Variants in BDH1 observed in about 807,000 individuals in gnomAD.
BDH1 encodes the protein 3-hydroxybutyrate dehydrogenase 1.
In BDH1, 30 loss-of-function variants were observed where a neutral mutation model predicts 33.1. That is an observed-to-expected ratio of 0.91 (90% CI 0.68 to 1.23). BDH1 has a LOEUF of 1.23. Ranked by LOEUF, BDH1 falls within the 50% of genes most tolerant of loss-of-function variation. The pLI, the probability that BDH1 is intolerant of heterozygous loss-of-function variation, is 0.00. For synonymous variants in BDH1, 190 were observed against 183.6 expected (o/e 1.03, Z -0.28); for missense variants, 443 against 464.4 (o/e 0.95, Z 0.42).
At chr3:197,527,821 C>T (rs143683870) in intron 5 of BDH1, among the ~76,000 whole-genome samples, 2,902 of 151,754 alleles carry the variant, frequency 0.019, 94 homozygotes, top group African/African-American at 0.066. Flanking sequence ...CACTCCCTCC[C>T]GCACCTCCTT....
chr3:197,570,690 G>A (rs1172627049), intron 1 of BDH1, among the ~76,000 whole-genome samples: 1 of 152,220 alleles, frequency 6.6e-6, no homozygotes, highest in Non-Finnish European at 1.5e-5. Flanking sequence ...TTGAGGATTG[G>A]GAACCTCCAC....
chr3:197,522,720 A>C lies in BDH1; in HGVS notation c.329T>G (p.Val110Gly). The change falls in exon 6 of 8, where the codon GTC becomes GGC. Residue 110 changes from valine to glycine, a missense_variant. Val to Gly is a moderately radical substitution (Grantham distance 109, BLOSUM62 -3). Transcript: ENST00000392379. This position sits in a 1 kb window ranked among gnomAD's most constrained non-coding sequence, Gnocchi z 4.8. ...TTCGCTGCTGCAGACATTGAGCTGG[A>C]CGGTTCTCAATCGGTCACTGTTTAG... The part of the protein sequence containing the change: ...DSLNSDRLRT[V>G]QLNVCSSEEV... 6.2e-7 allele frequency: 1 copy of C among 1,614,152 alleles called. No homozygotes were observed. Among genetic ancestry groups the C allele is most frequent in the African/African-American group, 1.3e-5 (1 of 75,030 alleles).
At chr3:197,559,736 A>T (rs1473139122), upstream of BDH1, among the ~76,000 whole-genome samples, 1 of 152,270 alleles carries the variant, frequency 6.6e-6, no homozygotes, top group African/African-American at 2.4e-5. Context: ...ACTCTGACAC[A>T]GATAGTAGCA....
rs868282903 is a variant in BDH1, at chr3:197,554,921, G to T, written c.-195-208C>A. 6.6e-6 allele frequency among the ~76,000 whole-genome samples: 1 copy of T among 152,270 alleles called. No homozygotes were observed. The highest frequency in any genetic ancestry group is 1.5e-5 in the Non-Finnish European group (1 of 68,046). ...GCAGAGCGCGAGAACGCCCGAGACGGCGGCGCAGCCAATCCCAGAGCAGCG... is the reference window on the plus strand; with the variant it reads ...GCAGAGCGCGAGAACGCCCGAGACGTCGGCGCAGCCAATCCCAGAGCAGCG... On this transcript the variant is annotated intron_variant, in intron 1 of 7. Coordinates refer to ENST00000392379, the MANE Select transcript of BDH1 (RefSeq NM_203314.3). The surrounding 1 kb of genome is among the most constrained non-coding windows in gnomAD (Gnocchi z 4.4).
At chr3:197,537,583 T>C (rs1715266667) in intron 3 of BDH1, among the ~76,000 whole-genome samples, 1 of 152,236 alleles carries the variant, frequency 6.6e-6, no homozygotes, top group African/African-American at 2.4e-5. Flanking sequence ...ACTAATATCC[T>C]TGGTTTGTTC....
chr3:197,532,216 AGGAT>A (rs1380657708), intron 5 of BDH1, among the ~76,000 whole-genome samples, 192 bp downstream of exon 5: 1 of 152,128 alleles, frequency 6.6e-6, no homozygotes, highest in Non-Finnish European at 1.5e-5. Context: ...GATAGATGAG[AGGAT>A]GGATGGATGG....
At position 197,542,521 on chromosome 3, in the gene BDH1, C is replaced by CTTTTTTTTTTTTTT. The variant is rs71164295; in HGVS notation, c.83+3826_83+3839dup. On this transcript the variant is annotated intron_variant, in intron 3 of 7. Coordinates refer to ENST00000392379, the MANE Select transcript of BDH1 (RefSeq NM_203314.3). Reference sequence around the variant, plus strand: ...GTCAACACGCTTTCTTTCTTGCTTGCTTTTTTTTTTTTTTTTTTTGAGACG... The same window carrying CTTTTTTTTTTTTTT: ...GTCAACACGCTTTCTTTCTTGCTTGCTTTTTTTTTTTTTTTTTTTTTTTTTTTTTTTTTGAGACG... Among the ~76,000 whole-genome samples, 45 of 106,414 alleles carry CTTTTTTTTTTTTTT rather than the reference C, an allele frequency of 4.2e-4. 2 individuals carry two copies. Among genetic ancestry groups the CTTTTTTTTTTTTTT allele is most frequent in the African/African-American group, 1.1e-3 (25 of 23,444 alleles). 69.8% of individuals were successfully genotyped at this position (106,414 alleles called of 152,430 possible).
At chr3:197,549,883 T>C (rs1015165119) in intron 2 of BDH1, among the ~76,000 whole-genome samples, 1 of 152,086 alleles carries the variant, frequency 6.6e-6, no homozygotes, top group African/African-American at 2.4e-5. Flanking sequence ...ACTATCCATA[T>C]CATCTTTGTT....
chr3:197,564,539 A>C (rs1717371188), intron 1 of BDH1, among the ~76,000 whole-genome samples: 1 of 152,220 alleles, frequency 6.6e-6, no homozygotes, highest in Non-Finnish European at 1.5e-5. Context: ...GACAGCAATT[A>C]AAATCCCATC....
chr3:197,566,362 C>T (rs189905925), intron 1 of BDH1, among the ~76,000 whole-genome samples: 1 of 152,292 alleles, frequency 6.6e-6, no homozygotes, highest in Non-Finnish European at 1.5e-5. Context: ...GTAAAGGGTT[C>T]CTGATGTGTC....
rs1319005499 is a variant in BDH1, at chr3:197,570,236, G to C, written c.-44+2945C>G. Reference sequence around the variant, plus strand: ...CTAAGTAGCAAAGCATTCAAAGTGTGACTTGGGTGCTGTTAAAAGCATTCA... The same window carrying C: ...CTAAGTAGCAAAGCATTCAAAGTGTCACTTGGGTGCTGTTAAAAGCATTCA... On this transcript the variant is annotated intron_variant, in intron 1 of 6. Transcript: ENST00000358186. Among the ~76,000 whole-genome samples, 4 of 152,242 alleles carry C rather than the reference G, an allele frequency of 2.6e-5. No individual in the cohort carries two copies. In the East Asian group the frequency reaches 7.7e-4, roughly 29 times the overall value.
In BDH1 at chr3:197,523,996, G is replaced by A. The variant is rs934427044; in HGVS notation, c.268-1215C>T. The stretch of plus-strand genomic sequence containing the variant: ...TTCCTCTAAGTAGACAGCATTTCCC[G>A]AGTGTCCACTGTCCTGAGCACTGTG... On this transcript the variant is annotated intron_variant, in intron 5 of 7. Coordinates refer to ENST00000392379, the MANE Select transcript of BDH1 (RefSeq NM_203314.3). The surrounding 1 kb of genome is among the most constrained non-coding windows in gnomAD (Gnocchi z 4.5). 3.9e-5 allele frequency among the ~76,000 whole-genome samples: 6 copies of A among 152,180 alleles called. No individual in the cohort carries two copies. Among genetic ancestry groups the A allele is most frequent in the South Asian group, 2.1e-4 (1 of 4,830 alleles).
rs1477968476 is a variant in BDH1 at position 197,565,782 on chromosome 3, G to C, written c.-44+7399C>G. Among the ~76,000 whole-genome samples the C allele has an allele frequency of 7.2e-5, 11 of 152,030 alleles. No homozygotes were observed. In the South Asian group the frequency reaches 8.3e-4, roughly 11 times the overall value. Reference sequence around the variant, plus strand: ...CTTGTTTTGGTCCTCCTTAGAAAGTGGTTTTATAATCAACTATAGAACTCT... The same window carrying C: ...CTTGTTTTGGTCCTCCTTAGAAAGTCGTTTTATAATCAACTATAGAACTCT... On this transcript the variant is annotated intron_variant, in intron 1 of 6. Transcript: ENST00000358186.
chr3:197,511,672 G>A lies in BDH1; in HGVS notation c.*223C>T. 1 of 460,550 alleles carries A rather than the reference G, an allele frequency of 2.2e-6. No homozygotes were observed. The highest frequency in any genetic ancestry group is 3.8e-6 in the Non-Finnish European group (1 of 263,536). 28.5% of individuals were successfully genotyped at this position (460,550 alleles called of 1,614,324 possible). ...GAGATAGATTCACCATGTTTGCCCT[G>A]AGATTTAGAGGCCTCTGCCTGCCAC... On this transcript the variant is annotated 3_prime_UTR_variant, in exon 8 of 8. Transcript: ENST00000392379.
chr3:197,562,317 A>G (rs1468462823), intron 1 of BDH1, among the ~76,000 whole-genome samples: 1 of 152,178 alleles, frequency 6.6e-6, no homozygotes, highest in East Asian at 1.9e-4. Context: ...TTTTTCTCCC[A>G]TAATTAATCT....
chr3:197,556,921 C>T (rs1005874910), upstream of BDH1, among the ~76,000 whole-genome samples: 22 of 152,196 alleles, frequency 1.4e-4, no homozygotes, highest in Admixed American at 7.9e-4. Flanking sequence ...AACCTTGGGG[C>T]CCCCAAATCA....
Position 197,546,462 on chromosome 3 carries a change from A to AATG in BDH1, c.-22_-20dup. ...CCAGCATGGTAGCAACGGGTGTTAG[A>AATG]ATGGCCCAGTTCCTCCCGGTGGTTC... On this transcript the variant is annotated 5_prime_UTR_variant, in exon 3 of 8. Coordinates refer to ENST00000392379, the MANE Select transcript of BDH1 (RefSeq NM_203314.3). The AATG allele has an allele frequency of 6.2e-7, 1 of 1,613,038 alleles. No individual in the cohort carries two copies. The highest frequency in any genetic ancestry group is 8.5e-7 in the Non-Finnish European group (1 of 1,179,162).
chr3:197,572,683 G>A (rs1280654393), intron 1 of BDH1, among the ~76,000 whole-genome samples: 2 of 151,980 alleles, frequency 1.3e-5, no homozygotes, highest in Non-Finnish European at 2.9e-5. Context: ...GCTGCAGTGA[G>A]GTATGATTGT....
chr3:197,548,365 G>C (rs150481964), intron 2 of BDH1, among the ~76,000 whole-genome samples: 3 of 152,306 alleles, frequency 2.0e-5, no homozygotes, highest in Admixed American at 6.5e-5. Flanking sequence ...ACCAGAGTCT[G>C]AGGTCACCAT....
Sources: allele counts gnomAD v4.1 joint callset (sites outside exome capture counted in the v4.1 genomes callset), GRCh38; gene constraint gnomAD v4.1.1; non-coding constraint Gnocchi (gnomAD v3.1); transcripts MANE v1.5; gene names NCBI Gene and HGNC (gene_info 2026-07-23, HGNC 2026-07-21).